The following CFAP299 variants were observed in gnomAD, a reference collection of about 807,000 sequenced individuals.
CFAP299 encodes cilia and flagella associated protein 299.
CFAP299 carries 21 observed loss-of-function variants against 27.0 expected under a neutral mutation model. That is an observed-to-expected ratio of 0.78 (90% confidence interval 0.55 to 1.12). The LOEUF (loss-of-function observed/expected upper bound fraction) is 1.12, where lower values mean the gene tolerates loss of function less well. CFAP299 is among the 50% of genes most tolerant of loss of function. The pLI is 0.00. For synonymous variants in CFAP299, 104 were observed against 98.1 expected (o/e 1.06, Z -0.36); for missense variants, 310 against 276.6 (o/e 1.12, Z -0.86).
intron 3 of CFAP299, among the ~76,000 whole-genome samples, chr4:80,732,048 TACACAGAC>T (rs70956063): frequency 0.14 from 21,540 of 149,274 alleles, 1,804 homozygotes; most frequent in African/African-American, 0.23. Context: ...CCTGCATTCA[TACACAGAC>T]ACACAGACAC....
chr4:80,817,115 G>T (rs577757683), intron 3 of CFAP299, among the ~76,000 whole-genome samples: 1 of 152,160 alleles, frequency 6.6e-6, no homozygotes, highest in African/African-American at 2.4e-5. Context: ...CAACCTATAT[G>T]CAGTGACGGT....
rs539343171 is a variant in CFAP299, at chr4:80,828,858, T to C, written c.334-41135T>C. On this transcript the variant is annotated intron_variant, in intron 3 of 5. Transcript: ENST00000358105. ...GGGAATAAATAATGTTTTTAGTGAA[T>C]GGTGTTGGGAAAACTCAGTATCTGC... 1.0e-3 allele frequency among the ~76,000 whole-genome samples: 155 copies of C among 152,210 alleles called. 2 individuals are homozygous for C. The South Asian group carries it at 0.02, about 20-fold the overall frequency.
At chr4:80,815,267 G>T (rs925853410) in intron 3 of CFAP299, among the ~76,000 whole-genome samples, 9 of 151,666 alleles carry the variant, frequency 5.9e-5, no homozygotes, top group Non-Finnish European at 8.8e-5. Flanking sequence ...AGAAAAAAAA[G>T]AAGAAAATAA....
At chr4:80,721,880 CAAAAT>C (rs1183796126) in intron 3 of CFAP299, among the ~76,000 whole-genome samples, 2 of 151,998 alleles carry the variant, frequency 1.3e-5, no homozygotes, top group Non-Finnish European at 2.9e-5. Flanking sequence ...AGAAAAAAGA[CAAAAT>C]AAAGATTTTG....
intron 4 of CFAP299, among the ~76,000 whole-genome samples, chr4:80,888,829 C>A (rs188524187): frequency 1.8e-4 from 28 of 151,760 alleles, no homozygotes; most frequent in East Asian, 1.9e-4. Context: ...TTTTTGGAAA[C>A]TATACAAACA....
At chr4:80,764,097 C>G (rs1419759053) in intron 3 of CFAP299, among the ~76,000 whole-genome samples, 1 of 152,082 alleles carries the variant, frequency 6.6e-6, no homozygotes, top group Non-Finnish European at 1.5e-5. Flanking sequence ...GCAAAATTGA[C>G]AAATGGGATC....
At chr4:80,932,636 C>T (rs887529318) in intron 4 of CFAP299, among the ~76,000 whole-genome samples, 1 of 151,906 alleles carries the variant, frequency 6.6e-6, no homozygotes, top group Non-Finnish European at 1.5e-5. Context: ...AAGGATCAAC[C>T]ATAAAAAAAC....
rs191256577 is a variant in CFAP299 at position 80,663,965 on chromosome 4, C to T, written c.333+80782C>T. On this transcript the variant is annotated intron_variant, in intron 3 of 5. Coordinates refer to ENST00000358105, the MANE Select transcript of CFAP299 (RefSeq NM_152770.3). ...GAAGTGTCTGTTCATACCCTTTGCCCACTTTTTGATAAGTCGTTTGTTTTG... is the reference window on the plus strand; with the variant it reads ...GAAGTGTCTGTTCATACCCTTTGCCTACTTTTTGATAAGTCGTTTGTTTTG... Among the ~76,000 whole-genome samples the T allele has an allele frequency of 8.1e-4, 124 of 152,222 alleles. 1 individual carries two copies. The highest frequency in any genetic ancestry group is 2.8e-3 in the African/African-American group (116 of 41,532).
intron 3 of CFAP299, among the ~76,000 whole-genome samples, chr4:80,829,884 C>G (rs960665018): frequency 2.0e-5 from 3 of 151,962 alleles, no homozygotes; most frequent in African/African-American, 4.8e-5. Context: ...TAGTAAAACT[C>G]AGACAGAAAG....
intron 3 of CFAP299, among the ~76,000 whole-genome samples, chr4:80,672,276 C>T (rs1741530502): frequency 6.6e-6 from 1 of 152,044 alleles, no homozygotes; most frequent in Non-Finnish European, 1.5e-5. Flanking sequence ...TGGTTTTTGT[C>T]ATTGGTTCTG....
chr4:80,960,126 C>G (rs188867212), intron 5 of CFAP299, among the ~76,000 whole-genome samples: 11 of 150,650 alleles, frequency 7.3e-5, no homozygotes, highest in Non-Finnish European at 1.0e-4. Flanking sequence ...AAAAAAAAAG[C>G]CTTTCATTTA....
intron 2 of CFAP299, chr4:80,387,370 C>A: frequency 7.7e-7 from 1 of 1,300,308 alleles, no homozygotes. Context: ...TATGCTGGGT[C>A]ATGTGAGACT....
At chr4:80,960,830 T>C (rs905390802) in intron 5 of CFAP299, among the ~76,000 whole-genome samples, 2 of 151,876 alleles carry the variant, frequency 1.3e-5, no homozygotes, top group Non-Finnish European at 3.0e-5. Context: ...CAACTTCCAA[T>C]AGCCACACAC....
intron 2 of CFAP299, among the ~76,000 whole-genome samples, chr4:80,554,562 A>C (rs1333015401): frequency 7.0e-6 from 1 of 143,132 alleles, no homozygotes; most frequent in African/African-American, 2.7e-5. Context: ...TGGTAGAAAT[A>C]GCATTGAATC....
At chr4:80,641,879 A>G (rs1739744116) in intron 3 of CFAP299, among the ~76,000 whole-genome samples, 1 of 152,244 alleles carries the variant, frequency 6.6e-6, no homozygotes, top group Non-Finnish European at 1.5e-5. Flanking sequence ...AAATCACATG[A>G]AGTACAATTT....
intron 2 of CFAP299, among the ~76,000 whole-genome samples, chr4:80,415,231 G>A (rs1428620345): frequency 6.6e-6 from 1 of 152,084 alleles, no homozygotes; most frequent in African/African-American, 2.4e-5. Flanking sequence ...CGTCTTTCTG[G>A]GTGAGCTAAT....
chr4:80,543,280 C>G (rs771953263), intron 2 of CFAP299, among the ~76,000 whole-genome samples: 2 of 152,156 alleles, frequency 1.3e-5, no homozygotes, highest in Non-Finnish European at 2.9e-5. Context: ...TGCAAGAACT[C>G]TGGCAACTCT....
intron 3 of CFAP299, among the ~76,000 whole-genome samples, chr4:80,827,719 A>G (rs1190287312): frequency 4.6e-5 from 7 of 151,290 alleles, no homozygotes; most frequent in Non-Finnish European, 8.8e-5. Context: ...AAACAAAACA[A>G]ATAAATAAAA....
At chr4:80,580,971 T>C (rs1736133946) in intron 2 of CFAP299, among the ~76,000 whole-genome samples, 1 of 152,010 alleles carries the variant, frequency 6.6e-6, no homozygotes, top group African/African-American at 2.4e-5. Context: ...AGAGCCGCAG[T>C]AAACCTGCTA....
Sources: allele counts gnomAD v4.1 joint callset (sites outside exome capture counted in the v4.1 genomes callset), GRCh38; gene constraint gnomAD v4.1.1; transcripts MANE v1.5; gene names NCBI Gene and HGNC (gene_info 2026-07-23, HGNC 2026-07-21).